Variants in BMF observed in about 807,000 individuals in gnomAD.
BMF encodes the protein bcl-2-modifying factor.
In BMF, 10 loss-of-function variants were observed where a neutral mutation model predicts 22.0. The observed-to-expected ratio is 0.45, with a 90% confidence interval of 0.28 to 0.77. The LOEUF is 0.77. Among genes scored for constraint, BMF ranks in the 30% least tolerant of loss-of-function variants. BMF has a pLI of 0.13. For missense variants in BMF, 206 were observed against 226.8 expected (o/e 0.91, Z 0.59); for synonymous variants, 87 against 88.1 (o/e 0.99, Z 0.07).
At chr15:40,108,461 G>T (rs1225290037) in intron 1 of BMF, 75 bp from the exon 2 acceptor site, 1 of 152,776 alleles carries the variant, frequency 6.5e-6, no homozygotes, top group African/African-American at 2.4e-5. Context: ...CCCAAAGTCA[G>T]ACCCAGAGGC....
In BMF at chr15:40,106,209, A is replaced by T; in HGVS notation, c.-5-118T>A. 8.7e-7 allele frequency: 1 copy of T among 1,152,716 alleles called. No individual in the cohort carries two copies. The highest frequency in any genetic ancestry group is 2.6e-5 in the East Asian group (1 of 38,460). The allele number at this position is 1,152,716 out of a possible 1,614,324, so 71.4% of individuals were successfully genotyped here. ...TTCTTATTTGAGCTGGCCGGACCAC[A>T]TACTGATGACATACAACCCTGGTAA... is the stretch of plus-strand genomic sequence containing the variant. On this transcript the variant is annotated intron_variant, in intron 2 of 4. Transcript: ENST00000354670. The surrounding 1 kb of genome is among the most constrained non-coding windows in gnomAD (Gnocchi z 4.1).
intron 2 of BMF, among the ~76,000 whole-genome samples, chr15:40,107,390 T>C (rs917852292): frequency 6.6e-6 from 1 of 152,196 alleles, no homozygotes; most frequent in South Asian, 2.1e-4. Flanking sequence ...TGTGAGCTGC[T>C]TGCTTGGGCC....
chr15:40,091,990 C>G, intron 4 of BMF, 102 bp from the exon 5 acceptor site: 1 of 907,432 alleles, frequency 1.1e-6, no homozygotes, highest in Admixed American at 2.1e-5. Flanking sequence ...AGTCTCACGG[C>G]TGGCACTTTA....
At chr15:40,103,489 C>T (rs544170022) in intron 4 of BMF, among the ~76,000 whole-genome samples, 5 of 152,350 alleles carry the variant, frequency 3.3e-5, no homozygotes, top group East Asian at 1.9e-4. Flanking sequence ...GCCTGCCAGC[C>T]GCCGCCTTTG....
rs1170521865 is a variant in BMF, at chr15:40,104,456, T to C, written c.293-116A>G. ...GGGTAAATCCTCATATGAGAAAGGA[T>C]AGGAGCCAGCCTGCCTCTATTGGAG... is the stretch of plus-strand genomic sequence containing the variant. On this transcript the variant is annotated intron_variant, in intron 3 of 4. Coordinates refer to ENST00000354670, the MANE Select transcript of BMF (RefSeq NM_001003940.2). 9.6e-6 allele frequency: 13 copies of C among 1,353,630 alleles called. No homozygotes were observed. In the South Asian group the frequency reaches 1.1e-4, roughly 11 times the overall value. 83.9% of individuals were successfully genotyped at this position (1,353,630 alleles called of 1,614,324 possible). A position where few individuals can be genotyped will look rare whatever the true frequency, so the allele number is the denominator to read the frequency against.
At position 40,104,313 on chromosome 15, in the gene BMF, G is replaced by A. The variant is rs1317829767; in HGVS notation, c.320C>T (p.Pro107Leu). 2 of 1,614,130 alleles carry A rather than the reference G, an allele frequency of 1.2e-6. No individual in the cohort carries two copies. Among genetic ancestry groups the A allele is most frequent in the African/African-American group, 2.7e-5 (2 of 74,948 alleles). The change falls in exon 4 of 5, where the codon CCT becomes CTT. Residue 107 changes from proline (P) to leucine (L), a missense_variant. Pro to Leu is a moderately conservative substitution (Grantham distance 98). Coordinates refer to ENST00000354670, the MANE Select transcript of BMF (RefSeq NM_001003940.2). ...YGNAGYRLPL[P>L]ASFPAVLPIG... ...GGGCAAGACTGCTGGGAAACTGGCA[G>A]GGAGAGGAAGCCGATAGCCAGCATT...
chr15:40,106,795 TGCCGTCTCG>T lies in BMF; in HGVS notation c.-5-713_-5-705del, dbSNP rs2036597788. The T allele has an allele frequency of 6.6e-6, 1 of 152,334 alleles. No individual in the cohort carries two copies. 9.4% of individuals were successfully genotyped at this position (152,334 alleles called of 1,614,324 possible). On this transcript the variant is annotated intron_variant, in intron 2 of 4. Transcript: ENST00000354670. The surrounding 1 kb of genome is among the most constrained non-coding windows in gnomAD (Gnocchi z 4.1). Reference sequence around the variant, plus strand: ...AAAGACCCAAGCTAGTCATTGCAGCTGCCGTCTCGGCTCTCTTTGAGCAGAGTTGAGCTG... The same window carrying T: ...AAAGACCCAAGCTAGTCATTGCAGCTGCTCTCTTTGAGCAGAGTTGAGCTG...
chr15:40,092,788 G>A (rs892294295), intron 4 of BMF, among the ~76,000 whole-genome samples: 2 of 152,094 alleles, frequency 1.3e-5, no homozygotes, highest in African/African-American at 2.4e-5. Flanking sequence ...AGAGGCCTGG[G>A]GGGGTGGAAA....
At chr15:40,094,640 GTA>G (rs888980609) in intron 4 of BMF, among the ~76,000 whole-genome samples, 3 of 152,214 alleles carry the variant, frequency 2.0e-5, no homozygotes, top group African/African-American at 7.2e-5. Context: ...GCTCTTGTAA[GTA>G]TAGAGTCTCC....
chr15:40,102,323 G>C (rs1428580002), intron 4 of BMF, among the ~76,000 whole-genome samples: 1 of 151,656 alleles, frequency 6.6e-6, no homozygotes, highest in Non-Finnish European at 1.5e-5. Context: ...CAGCTACTCG[G>C]GAGGCTGAGG....
In BMF at chr15:40,105,842, A is replaced by C. The variant is rs1168031565; in HGVS notation, c.245T>G (p.Val82Gly). ...TLSPASPSQG[V>G]MLPCGVTEEP... The stretch of plus-strand genomic sequence containing the variant: ...CTCAGTCACCCCACAAGGCAGCATG[A>C]CACCTTGGCTGGGGGAGGCTGGGCT... Residue 82 changes from valine (V) to glycine (G), a missense_variant, in exon 3 of 5, where the codon GTC becomes GGC. Coordinates refer to ENST00000354670, the MANE Select transcript of BMF (RefSeq NM_001003940.2). 2 of 1,613,818 alleles carry C rather than the reference A, an allele frequency of 1.2e-6. No homozygotes were observed. The highest frequency in any genetic ancestry group is 3.3e-5 in the Admixed American group (2 of 59,972).
intron 4 of BMF, among the ~76,000 whole-genome samples, chr15:40,096,544 G>T (rs181369764): frequency 6.6e-6 from 1 of 152,188 alleles, no homozygotes; most frequent in Non-Finnish European, 1.5e-5. Context: ...TGATCCTCAC[G>T]ATAGGAAGAG....
chr15:40,100,968 T>G (rs2036464714), intron 4 of BMF, among the ~76,000 whole-genome samples: 1 of 152,136 alleles, frequency 6.6e-6, no homozygotes, highest in Non-Finnish European at 1.5e-5. Flanking sequence ...CTATCCCAGA[T>G]GTAGGGGAAA....
chr15:40,102,441 C>T (rs1240904913), intron 4 of BMF, among the ~76,000 whole-genome samples: 1 of 129,096 alleles, frequency 7.7e-6, no homozygotes, highest in Admixed American at 7.6e-5. Context: ...AAAAAAAAAT[C>T]AGGGCCAGAC....
At position 40,105,961 on chromosome 15, in the gene BMF, G is replaced by A. The variant is rs933871665; in HGVS notation, c.126C>T (p.Cys42=). The A allele has an allele frequency of 9.3e-6, 15 of 1,613,964 alleles. No individual in the cohort carries two copies. Among genetic ancestry groups the A allele is most frequent in the Non-Finnish European group, 1.2e-5 (14 of 1,180,020 alleles). Reference sequence around the variant, plus strand: ...GGAAGAGCTGAAGTCGGCTGAGGGGGCAGTCCAGTAGGCTCTGGGCAAACA... The same window carrying A: ...GGAAGAGCTGAAGTCGGCTGAGGGGACAGTCCAGTAGGCTCTGGGCAAACA... ...ADLFAQSLLD[C]PLSRLQLFPL... is the part of the protein sequence containing the mutation. The change falls in exon 3 of 5, where the codon TGC becomes TGT. Residue 42 remains cysteine, a synonymous_variant. Coordinates refer to ENST00000354670, the MANE Select transcript of BMF (RefSeq NM_001003940.2).
At chr15:40,105,127 A>C (rs1254976664) in intron 3 of BMF, among the ~76,000 whole-genome samples, 10 of 152,230 alleles carry the variant, frequency 6.6e-5, no homozygotes, top group Admixed American at 6.5e-4. Context: ...CTCGTCAGAC[A>C]CAGTAAGCCA....
intron 3 of BMF, among the ~76,000 whole-genome samples, chr15:40,104,595 G>A (rs2036546398): frequency 6.6e-6 from 1 of 152,136 alleles, no homozygotes; most frequent in African/African-American, 2.4e-5. Context: ...CATGACAAAG[G>A]GCAGGTGGTA....
chr15:40,099,488 C>T (rs762625432), intron 4 of BMF, among the ~76,000 whole-genome samples: 1 of 152,106 alleles, frequency 6.6e-6, no homozygotes, highest in Admixed American at 6.5e-5. Flanking sequence ...GTATTAGAAA[C>T]CAAGACTAAG....
rs1342149659 is a variant in BMF, at chr15:40,106,786, C to T, written c.-5-695G>A. On this transcript the variant is annotated intron_variant, in intron 2 of 4. Coordinates refer to ENST00000354670, the MANE Select transcript of BMF (RefSeq NM_001003940.2). The surrounding 1 kb of genome is among the most constrained non-coding windows in gnomAD (Gnocchi z 4.1). The stretch of plus-strand genomic sequence containing the variant: ...AGAGGGGATAAAGACCCAAGCTAGT[C>T]ATTGCAGCTGCCGTCTCGGCTCTCT... 6.6e-6 allele frequency: 1 copy of T among 152,344 alleles called. No individual in the cohort carries two copies. The highest frequency in any genetic ancestry group is 1.5e-5 in the Non-Finnish European group (1 of 68,160). 9.4% of individuals were successfully genotyped at this position (152,344 alleles called of 1,614,324 possible).
Sources: gnomAD v4.1 joint callset for allele counts (sites outside exome capture counted in the v4.1 genomes callset) on GRCh38, gnomAD v4.1.1 for gene constraint, Gnocchi (gnomAD v3.1) non-coding constraint, MANE v1.5 for transcripts, NCBI Gene and HGNC (gene_info 2026-07-23, HGNC 2026-07-21) for gene names.